The following IFT88 variants were observed in gnomAD, a reference collection of about 807,000 sequenced individuals.
The protein encoded by IFT88 is intraflagellar transport protein 88 homolog.
In IFT88, 74 loss-of-function variants were observed where a neutral mutation model predicts 119.5. The observed-to-expected ratio is 0.62, with a 90% CI of 0.51 to 0.75. The LOEUF (loss-of-function observed/expected upper bound fraction) is 0.75. Ranked by LOEUF, IFT88 falls within the 30% of genes least tolerant of loss-of-function variation. IFT88 has a pLI of 0.00. For synonymous variants in IFT88, 279 were observed against 316.7 expected (o/e 0.88, Z 1.26); for missense variants, 961 against 977.7 (o/e 0.98, Z 0.23).
rs753306486 is a variant in IFT88, at chr13:20,641,364, A to C, written c.1648A>C (p.Asn550His). 1 of 1,612,110 alleles carries C rather than the reference A, an allele frequency of 6.2e-7. No individual in the cohort carries two copies. Among genetic ancestry groups the C allele is most frequent in the Non-Finnish European group, 8.5e-7 (1 of 1,178,688 alleles). ...CCTGAAACTTCACGCAATCCTACGA[A>C]ACAGTGCCGAAGTTCTTTACCAGAT... ...CFLKLHAILR[N>H]SAEVLYQIAN... Residue 550 changes from asparagine to histidine, a missense_variant, in exon 18 of 26, where the codon AAC becomes CAC. By Grantham distance (68) the Asn-to-His change is moderately conservative. Transcript: ENST00000351808.
At chr13:20,683,337 T>G (rs1361477699) in intron 24 of IFT88, among the ~76,000 whole-genome samples, 1 of 152,146 alleles carries the variant, frequency 6.6e-6, no homozygotes, top group African/African-American at 2.4e-5. Context: ...TTAACCCTTG[T>G]AAATTTTTTC....
At chr13:20,616,020 G>A (rs2045553585) in intron 14 of IFT88, 141 bp downstream of exon 14, 2 of 461,376 alleles carry the variant, frequency 4.3e-6, no homozygotes, top group Non-Finnish European at 7.5e-6. Context: ...TGTATGTTCA[G>A]ATTAATATAG....
At chr13:20,620,580 T>G (rs2046311250) in intron 14 of IFT88, among the ~76,000 whole-genome samples, 1 of 152,174 alleles carries the variant, frequency 6.6e-6, no homozygotes, top group Non-Finnish European at 1.5e-5. Flanking sequence ...TTATTTTTGT[T>G]TTTTGAGACG....
chr13:20,595,646 T>C (rs1007254051), intron 7 of IFT88, among the ~76,000 whole-genome samples: 2 of 152,170 alleles, frequency 1.3e-5, no homozygotes, highest in African/African-American at 4.8e-5. Flanking sequence ...TTACATGATG[T>C]AGTTGTTAAA....
intron 22 of IFT88, among the ~76,000 whole-genome samples, chr13:20,662,204 G>T (rs1364465104): frequency 6.6e-6 from 1 of 152,038 alleles, no homozygotes; most frequent in East Asian, 1.9e-4. Context: ...TAGACCTCCA[G>T]CAAACTCTAA....
intron 2 of IFT88, among the ~76,000 whole-genome samples, chr13:20,578,500 T>C (rs2037917230): frequency 3.3e-5 from 5 of 152,160 alleles, no homozygotes; most frequent in Admixed American, 1.3e-4. Flanking sequence ...TTTATTGGTA[T>C]ATAGGTGCTC....
chr13:20,658,370 C>T (rs576400428), intron 22 of IFT88, among the ~76,000 whole-genome samples: 5 of 152,278 alleles, frequency 3.3e-5, no homozygotes, highest in African/African-American at 1.2e-4. Flanking sequence ...TGTGAGCCAC[C>T]ATGCCCGGCC....
At chr13:20,682,058 C>T (rs879047223) in intron 24 of IFT88, among the ~76,000 whole-genome samples, 2 of 152,150 alleles carry the variant, frequency 1.3e-5, no homozygotes, top group African/African-American at 4.8e-5. Context: ...ATGGGTTTGC[C>T]AAGACTATTT....
At chr13:20,648,123 G>T (rs890018737) in intron 20 of IFT88, among the ~76,000 whole-genome samples, 1 of 152,170 alleles carries the variant, frequency 6.6e-6, no homozygotes, top group Non-Finnish European at 1.5e-5. Flanking sequence ...CTGGCCAAGC[G>T]TGATGGCTTA....
At chr13:20,674,054 G>A (rs1392764147) in intron 24 of IFT88, among the ~76,000 whole-genome samples, 1 of 152,156 alleles carries the variant, frequency 6.6e-6, no homozygotes, top group Non-Finnish European at 1.5e-5. Flanking sequence ...AGCCCAGTTT[G>A]AATGCTGCTT....
rs2035617809 is a variant in IFT88, at chr13:20,569,007, A to G, written c.-7+1751A>G. Among the ~76,000 whole-genome samples, 3 of 152,106 alleles carry G rather than the reference A, an allele frequency of 2.0e-5. No individual in the cohort carries two copies. In the South Asian group the frequency reaches 6.2e-4, roughly 32 times the overall value. ...AGTGTTGGGATTACAAGCGTGAGCC[A>G]CGACGCCTGGCCCTTTTAATAACCT... is the stretch of plus-strand genomic sequence containing the variant. On this transcript the variant is annotated intron_variant, in intron 1 of 25. Coordinates refer to ENST00000351808, the MANE Select transcript of IFT88 (RefSeq NM_006531.5).
intron 9 of IFT88, 43 bp from the exon 10 acceptor site, chr13:20,598,608 A>G (rs778961402): frequency 8.3e-7 from 1 of 1,202,762 alleles, no homozygotes; most frequent in Non-Finnish European, 1.2e-6. Flanking sequence ...AAAGGGGCCT[A>G]AAGTGGTCTT....
intron 2 of IFT88, 34 bp from the exon 3 acceptor site, chr13:20,582,923 T>C (rs747219385): frequency 4.7e-5 from 72 of 1,547,308 alleles, no homozygotes; most frequent in Non-Finnish European, 6.0e-5. Flanking sequence ...ATTCTTACTC[T>C]GTGTTGAATG....
intron 24 of IFT88, among the ~76,000 whole-genome samples, chr13:20,686,817 A>G (rs1157673232): frequency 6.6e-6 from 1 of 152,102 alleles, no homozygotes; most frequent in Non-Finnish European, 1.5e-5. Flanking sequence ...CTTGGAAACA[A>G]TTCATTTTTA....
intron 3 of IFT88, among the ~76,000 whole-genome samples, chr13:20,589,375 T>C (rs571040038): frequency 1.3e-5 from 2 of 152,334 alleles, no homozygotes; most frequent in East Asian, 1.9e-4. Flanking sequence ...TGTATTCTTA[T>C]TTAAAAGATG....
chr13:20,589,988 A>G (rs2040383496), intron 4 of IFT88, 121 bp downstream of exon 4: 1 of 518,584 alleles, frequency 1.9e-6, no homozygotes, highest in Non-Finnish European at 3.5e-6. Context: ...TCTATTTTGG[A>G]TACTTACAAA....
intron 18 of IFT88, chr13:20,642,196 T>C (rs1253772721): frequency 1.3e-5 from 2 of 152,252 alleles, no homozygotes; most frequent in Non-Finnish European, 2.9e-5. Flanking sequence ...CTTACTGTTA[T>C]CTTGGTTTAA....
At chr13:20,672,412 TCACATCAAAGAGTAGC>T (rs1287807920) in intron 24 of IFT88, among the ~76,000 whole-genome samples, 1 of 152,150 alleles carries the variant, frequency 6.6e-6, no homozygotes, top group African/African-American at 2.4e-5. Flanking sequence ...AGGCAGTCTG[TCACATCAAAGAGTAGC>T]CACTTCCATC....
intron 24 of IFT88, among the ~76,000 whole-genome samples, chr13:20,682,792 G>A (rs1316391176): frequency 6.6e-6 from 1 of 152,210 alleles, no homozygotes; most frequent in Non-Finnish European, 1.5e-5. Flanking sequence ...TCCTATATAA[G>A]TGACAAATTG....
Sources: gnomAD v4.1 joint callset for allele counts (sites outside exome capture counted in the v4.1 genomes callset) on GRCh38, gnomAD v4.1.1 for gene constraint, MANE v1.5 for transcripts, NCBI Gene and HGNC (gene_info 2026-07-23, HGNC 2026-07-21) for gene names.